The following TYW1 variants were observed in gnomAD, a reference collection of about 807,000 sequenced individuals.
The protein encoded by TYW1 is tRNA-yW synthesizing protein 1 homolog, also known as S-adenosyl-L-methionine-dependent tRNA 4-demethylwyosine synthase TYW1.
In TYW1, 46 loss-of-function variants were observed where a neutral mutation model predicts 96.2. The ratio of observed to expected loss-of-function variants is 0.48; its 90% confidence interval spans 0.38 to 0.61. The LOEUF is 0.61. Among genes scored for constraint, TYW1 ranks in the 20% least tolerant of loss-of-function variants. The probability of loss-of-function intolerance (pLI) is 0.00; values close to 1 mark genes in which losing one functional copy is unlikely to be tolerated. For synonymous variants in TYW1, 274 were observed against 323.0 expected (o/e 0.85, Z 1.63); for missense variants, 684 against 909.6 (o/e 0.75, Z 3.19).
intron 12 of TYW1, among the ~76,000 whole-genome samples, chr7:67,115,724 C>A (rs1797573134): frequency 6.6e-6 from 1 of 152,162 alleles, no homozygotes; most frequent in South Asian, 2.1e-4. Flanking sequence ...CAAGATCTTA[C>A]ACTCAAAGAT....
chr7:67,056,371 A>C (rs1795517083), intron 9 of TYW1, among the ~76,000 whole-genome samples: 1 of 152,086 alleles, frequency 6.6e-6, no homozygotes, highest in Admixed American at 6.6e-5. Flanking sequence ...GGGCGTCTGT[A>C]ATCCCAGCTA....
At chr7:67,075,232 T>G (rs1796165292) in intron 10 of TYW1, among the ~76,000 whole-genome samples, 1 of 152,232 alleles carries the variant, frequency 6.6e-6, no homozygotes, top group Non-Finnish European at 1.5e-5. Context: ...TACCATTGTG[T>G]GTCTCTTATT....
chr7:67,119,766 C>T (rs1192658817), intron 13 of TYW1, among the ~76,000 whole-genome samples: 1 of 152,032 alleles, frequency 6.6e-6, no homozygotes. Flanking sequence ...TAGCATAGTA[C>T]ACTTTAAGGT....
rs550288293 is a variant in TYW1, at chr7:67,116,272, C to T, written c.1563-1211C>T. 2.7e-5 allele frequency among the ~76,000 whole-genome samples: 4 copies of T among 149,880 alleles called. No homozygotes were observed. The East Asian group carries it at 5.9e-4, about 22-fold the overall frequency. ...ACCCGGAGGCAGAGGTTGCAGTGAG[C>T]TGAGATTGCACCACTGTACTCTAGC... is the stretch of plus-strand genomic sequence containing the variant. On this transcript the variant is annotated intron_variant, in intron 12 of 15. Transcript: ENST00000359626.
intron 13 of TYW1, among the ~76,000 whole-genome samples, chr7:67,130,471 A>G (rs1008424386): frequency 2.8e-4 from 42 of 152,006 alleles, no homozygotes; most frequent in African/African-American, 1.0e-3. Context: ...CAGGAGGTCG[A>G]GACCATCCTG....
At chr7:67,109,069 C>T (rs1387376262) in intron 12 of TYW1, among the ~76,000 whole-genome samples, 1 of 151,128 alleles carries the variant, frequency 6.6e-6, no homozygotes, top group Non-Finnish European at 1.5e-5. Context: ...GTCAGGAGAT[C>T]GAGACCATCC....
In TYW1 at chr7:67,104,522, A is replaced by G. The variant is rs531048296; in HGVS notation, c.1562+5804A>G. ...TCTCCCACCAGGCCCCTCCTCCAAC[A>G]TTGAGGATTATGAATTCAACATGAG... On this transcript the variant is annotated intron_variant, in intron 12 of 15. Transcript: ENST00000359626. 2.0e-5 allele frequency among the ~76,000 whole-genome samples: 3 copies of G among 152,258 alleles called. No individual in the cohort carries two copies. In the South Asian group the frequency reaches 6.2e-4, roughly 32 times the overall value.
chr7:67,083,294 C>T, intron 10 of TYW1, 136 bp from the exon 11 acceptor site: 1 of 722,386 alleles, frequency 1.4e-6, no homozygotes, highest in South Asian at 2.0e-5. Context: ...TGGAAAATAC[C>T]ACTATACATG....
chr7:67,054,801 G>A (rs903071916), intron 8 of TYW1, among the ~76,000 whole-genome samples: 1 of 152,170 alleles, frequency 6.6e-6, no homozygotes, highest in African/African-American at 2.4e-5. Flanking sequence ...TCTGAAATCA[G>A]AATGTACTAC....
intron 13 of TYW1, among the ~76,000 whole-genome samples, chr7:67,134,166 A>G (rs1798174129): frequency 1.3e-5 from 2 of 152,262 alleles, no homozygotes; most frequent in African/African-American, 4.8e-5. Flanking sequence ...GGATTAATAT[A>G]ATAATTCATG....
chr7:67,077,027 G>A (rs1032375203), intron 10 of TYW1, among the ~76,000 whole-genome samples: 2 of 152,122 alleles, frequency 1.3e-5, no homozygotes, highest in Non-Finnish European at 2.9e-5. Context: ...ACTGGCCTCA[G>A]CCTCCCAAAG....
At chr7:67,096,092 A>G (rs1796902283) in intron 11 of TYW1, among the ~76,000 whole-genome samples, 2 of 152,208 alleles carry the variant, frequency 1.3e-5, no homozygotes, top group African/African-American at 2.4e-5. Flanking sequence ...GTTATGTTTC[A>G]AAGATGGCCA....
intron 6 of TYW1, among the ~76,000 whole-genome samples, chr7:67,023,761 CAACAACAACAACAAA>C (rs371240823): frequency 3.9e-4 from 60 of 152,066 alleles, no homozygotes; most frequent in African/African-American, 1.4e-3. Context: ...GAGCAAGACT[CAACAACAACAACAAA>C]AACAACAACA....
At position 67,117,507 on chromosome 7, in the gene TYW1, G is replaced by C. The variant is rs1318201651; in HGVS notation, c.1587G>C (p.Leu529=). ...EIRNLEPVTQ[L]YVSVDASTKD... ...GGAACCTCGAGCCGGTTACTCAGCT[G>C]TATGTCAGTGTGGATGCCAGTACCA... Residue 529 remains leucine, a synonymous_variant, in exon 13 of 16, where the codon CTG becomes CTC. Transcript: ENST00000359626. 2 of 1,609,578 alleles carry C rather than the reference G, an allele frequency of 1.2e-6. No individual in the cohort carries two copies. Among genetic ancestry groups the C allele is most frequent in the African/African-American group, 1.3e-5 (1 of 74,532 alleles).
chr7:67,092,998 A>C (rs143615047), intron 11 of TYW1, among the ~76,000 whole-genome samples: 78 of 152,004 alleles, frequency 5.1e-4, no homozygotes, highest in African/African-American at 1.8e-3. Context: ...CTTCGTCTTT[A>C]CCAAAAATTT....
chr7:67,063,783 T>C (rs866161166), intron 9 of TYW1, among the ~76,000 whole-genome samples: 2 of 152,232 alleles, frequency 1.3e-5, no homozygotes, highest in Middle Eastern at 3.4e-3. Flanking sequence ...TTTGTATTTT[T>C]AGTAGAGACG....
At chr7:67,094,087 G>T (rs1226003207) in intron 11 of TYW1, among the ~76,000 whole-genome samples, 2 of 152,036 alleles carry the variant, frequency 1.3e-5, no homozygotes, top group Non-Finnish European at 2.9e-5. Flanking sequence ...TTAAAAGTGA[G>T]AACGTGTGAT....
At chr7:67,098,174 G>A (rs1287174189) in intron 11 of TYW1, among the ~76,000 whole-genome samples, 1 of 152,142 alleles carries the variant, frequency 6.6e-6, no homozygotes, top group Non-Finnish European at 1.5e-5. Flanking sequence ...GGAATGATTG[G>A]TCTAGAAGAA....
intron 15 of TYW1, among the ~76,000 whole-genome samples, chr7:67,215,434 A>T (rs909313716): frequency 2.6e-5 from 4 of 152,080 alleles, no homozygotes; most frequent in African/African-American, 9.6e-5. Flanking sequence ...CCATTACTGG[A>T]CAAAATGAAT....
Sources: gnomAD v4.1 joint callset for allele counts (sites outside exome capture counted in the v4.1 genomes callset) on GRCh38, gnomAD v4.1.1 for gene constraint, MANE v1.5 for transcripts, NCBI Gene and HGNC (gene_info 2026-07-23, HGNC 2026-07-21) for gene names.